Variants in ITFG1 observed in about 807,000 individuals in gnomAD.
ITFG1 encodes T-cell immunomodulatory protein.
Under a neutral mutation model 81.8 loss-of-function variants are expected in ITFG1, and 34 were observed. The ratio of observed to expected loss-of-function variants is 0.42; its 90% CI spans 0.32 to 0.55. The LOEUF (loss-of-function observed/expected upper bound fraction) is 0.55, where lower values mean the gene tolerates loss of function less well. Ranked by LOEUF, ITFG1 falls within the 20% of genes least tolerant of loss-of-function variation. ITFG1 has a pLI of 0.17. For synonymous variants in ITFG1, 285 were observed against 270.6 expected (o/e 1.05, Z -0.52); for missense variants, 672 against 755.4 (o/e 0.89, Z 1.29).
At chr16:47,174,110 A>G (rs1334419982) in intron 14 of ITFG1, among the ~76,000 whole-genome samples, 2 of 152,232 alleles carry the variant, frequency 1.3e-5, no homozygotes, top group Admixed American at 6.5e-5. Flanking sequence ...CTTATTCTCC[A>G]TGAGAATACT....
At chr16:47,188,814 C>T (rs886997690) in intron 14 of ITFG1, among the ~76,000 whole-genome samples, 6 of 151,958 alleles carry the variant, frequency 3.9e-5, no homozygotes, top group Non-Finnish European at 8.8e-5. Flanking sequence ...AACTACAAAG[C>T]AGTGCAGTGG....
intron 12 of ITFG1, among the ~76,000 whole-genome samples, chr16:47,249,524 G>A (rs980503984): frequency 2.0e-5 from 3 of 152,006 alleles, no homozygotes; most frequent in African/African-American, 7.3e-5. Flanking sequence ...TACTCCTAGG[G>A]ACTTTTAAAA....
intron 13 of ITFG1, among the ~76,000 whole-genome samples, chr16:47,229,638 A>T (rs1965794329): frequency 6.6e-6 from 1 of 151,248 alleles, no homozygotes; most frequent in Non-Finnish European, 1.5e-5. Flanking sequence ...AAGTAACAGG[A>T]CAGAGAGAAG....
chr16:47,428,292 T>G (rs2151609374), intron 6 of ITFG1, among the ~76,000 whole-genome samples: 1 of 152,300 alleles, frequency 6.6e-6, no homozygotes, highest in South Asian at 2.1e-4. Flanking sequence ...AGGAGGAACT[T>G]GTAGGTGCAT....
intron 10 of ITFG1, among the ~76,000 whole-genome samples, chr16:47,274,194 T>C (rs1596853792): frequency 6.6e-6 from 1 of 151,652 alleles, no homozygotes; most frequent in Non-Finnish European, 1.5e-5. Context: ...GAGGTGGAGG[T>C]TGTGGTCAGC....
chr16:47,266,748 G>A (rs1396838621), intron 10 of ITFG1, among the ~76,000 whole-genome samples: 1 of 152,102 alleles, frequency 6.6e-6, no homozygotes, highest in Admixed American at 6.5e-5. Context: ...AACTTATATG[G>A]AAAAATGTTC....
At position 47,206,511 on chromosome 16, in the gene ITFG1, C is replaced by T. The variant is rs979880296; in HGVS notation, c.1453+12357G>A. On this transcript the variant is annotated intron_variant, in intron 14 of 17. Transcript: ENST00000320640. Reference sequence around the variant, plus strand: ...TCGACCTCAATATGAAACTCCATACCTATCAGCAGTCATCCCATTACTCTC... The same window carrying T: ...TCGACCTCAATATGAAACTCCATACTTATCAGCAGTCATCCCATTACTCTC... Among the ~76,000 whole-genome samples, 3 of 152,172 alleles carry T rather than the reference C, an allele frequency of 2.0e-5. No homozygotes were observed. In the South Asian group the frequency reaches 6.2e-4, roughly 32 times the overall value.
Position 47,311,455 on chromosome 16 carries a change from T to TA in ITFG1, c.898-44dup, listed in dbSNP as rs1420848859. On this transcript the variant is annotated intron_variant, in intron 9 of 17. Transcript: ENST00000320640. ...AAGATCAGACTTTATAGTTATTTTA[T>TA]AAAAAAATTTATAATTTGCAAAACA... 22 of 1,427,656 alleles carry TA rather than the reference T, an allele frequency of 1.5e-5. 1 individual carries two copies. The highest frequency in any genetic ancestry group is 2.0e-5 in the Non-Finnish European group (21 of 1,065,772). The allele number at this position is 1,427,656 out of a possible 1,614,324, so 88.4% of individuals were successfully genotyped here.
intron 8 of ITFG1, among the ~76,000 whole-genome samples, chr16:47,350,998 C>T (rs941475208): frequency 5.3e-5 from 8 of 152,108 alleles, no homozygotes; most frequent in Non-Finnish European, 1.0e-4. Context: ...AGGCCTTTGA[C>T]AAAATTCAAC....
chr16:47,385,531 A>G (rs1300538607), intron 6 of ITFG1, among the ~76,000 whole-genome samples: 1 of 152,250 alleles, frequency 6.6e-6, no homozygotes, highest in Non-Finnish European at 1.5e-5. Flanking sequence ...ATGAAAATAA[A>G]ATGTATATTA....
chr16:47,210,902 T>C lies in ITFG1; in HGVS notation c.1453+7966A>G, dbSNP rs189967917. ...TAGACGAATTCCACCTATTTTATTC[T>C]TCTTTTTCCAATTGTTTCAGTTCTA... On this transcript the variant is annotated intron_variant, in intron 14 of 17. Transcript: ENST00000320640. Among the ~76,000 whole-genome samples, 9 of 152,314 alleles carry C rather than the reference T, an allele frequency of 5.9e-5. No individual in the cohort carries two copies. In the East Asian group the frequency reaches 1.7e-3, roughly 29 times the overall value.
chr16:47,317,347 ATT>A (rs1050750462), intron 8 of ITFG1, among the ~76,000 whole-genome samples: 5 of 152,168 alleles, frequency 3.3e-5, no homozygotes, highest in Admixed American at 6.6e-5. Context: ...TTTATATATA[ATT>A]TTTGTTTTTA....
intron 8 of ITFG1, among the ~76,000 whole-genome samples, chr16:47,359,744 A>G (rs1217005380): frequency 3.3e-5 from 5 of 152,220 alleles, no homozygotes; most frequent in African/African-American, 4.8e-5. Flanking sequence ...TTCCGTCTGC[A>G]TGGAGCATTT....
At chr16:47,222,603 C>T (rs1186571438) in intron 13 of ITFG1, among the ~76,000 whole-genome samples, 18 of 151,944 alleles carry the variant, frequency 1.2e-4, no homozygotes, top group African/African-American at 3.4e-4. Context: ...TTAGTAGAGA[C>T]GGGGTTTCAC....
At chr16:47,306,843 C>T (rs1967168775) in intron 10 of ITFG1, among the ~76,000 whole-genome samples, 1 of 151,330 alleles carries the variant, frequency 6.6e-6, no homozygotes, top group African/African-American at 2.4e-5. Context: ...GCCTGTAATC[C>T]CAGCACTTTG....
At chr16:47,417,669 C>A (rs151067897) in intron 6 of ITFG1, among the ~76,000 whole-genome samples, 1 of 152,306 alleles carries the variant, frequency 6.6e-6, no homozygotes, top group Admixed American at 6.5e-5. Flanking sequence ...ATTCACTTAA[C>A]ATAATGATCT....
At chr16:47,257,697 GT>G (rs1365462578) in intron 12 of ITFG1, among the ~76,000 whole-genome samples, 4 of 152,210 alleles carry the variant, frequency 2.6e-5, no homozygotes, top group Non-Finnish European at 5.9e-5. Context: ...TTACAAATGT[GT>G]AGACTTGTAT....
chr16:47,189,125 G>A (rs536755193), intron 14 of ITFG1, among the ~76,000 whole-genome samples: 95 of 152,200 alleles, frequency 6.2e-4, no homozygotes, highest in Non-Finnish European at 1.2e-3. Flanking sequence ...GAAGAAATTG[G>A]AACCCTGGTT....
rs140681071 is a variant in ITFG1, at chr16:47,165,670, G to T, written c.1454-3006C>A. 7.5e-3 allele frequency among the ~76,000 whole-genome samples: 1,144 copies of T among 152,236 alleles called. 19 individuals carry two copies. Among genetic ancestry groups the T allele is most frequent in the African/African-American group, 0.026 (1,084 of 41,554 alleles). ...AGACCAGCCTGGGCAATGTGGTGAA[G>T]CCCCACCTCTACAAAAAATACAAAA... On this transcript the variant is annotated intron_variant, in intron 14 of 17. Transcript: ENST00000320640.
Sources: allele counts gnomAD v4.1 joint callset (sites outside exome capture counted in the v4.1 genomes callset), GRCh38; gene constraint gnomAD v4.1.1; transcripts MANE v1.5; gene names NCBI Gene and HGNC (gene_info 2026-07-23, HGNC 2026-07-21).